The following GLRB variants were observed in gnomAD, a reference collection of about 807,000 sequenced individuals.
GLRB encodes the protein glycine receptor beta, also known as glycine receptor subunit beta.
A neutral mutation model predicts 54.2 loss-of-function variants in GLRB; 33 were observed. The ratio of observed to expected loss-of-function variants is 0.61; its 90% CI spans 0.46 to 0.81. The LOEUF is 0.81. Ranked by LOEUF, GLRB falls within the 40% of genes least tolerant of loss-of-function variation. GLRB has a pLI of 0.00. For synonymous variants in GLRB, 209 were observed against 208.2 expected, an observed-to-expected ratio of 1.00 and a Z score of -0.03; for missense variants, 572 against 584.6, an observed-to-expected ratio of 0.98 and a Z score of 0.22.
intron 2 of GLRB, among the ~76,000 whole-genome samples, chr4:157,106,534 A>G (rs1735230731): frequency 6.6e-6 from 1 of 151,972 alleles, no homozygotes; most frequent in African/African-American, 2.4e-5. Context: ...ACCCAATTGG[A>G]TGGGGGCCTG....
chr4:157,134,602 T>C (rs1242173153), intron 4 of GLRB, among the ~76,000 whole-genome samples: 1 of 152,116 alleles, frequency 6.6e-6, no homozygotes, highest in Non-Finnish European at 1.5e-5. Flanking sequence ...TGAACTAATA[T>C]TAGGCTGAAA....
At chr4:157,121,479 A>G (rs79417285) in intron 3 of GLRB, among the ~76,000 whole-genome samples, 3 of 146,936 alleles carry the variant, frequency 2.0e-5, no homozygotes, top group African/African-American at 7.5e-5. Context: ...TTGCCTTTAG[A>G]AAAAAAAAAT....
At chr4:157,137,040 C>T (rs1236371662) in intron 6 of GLRB, among the ~76,000 whole-genome samples, 154 bp downstream of exon 6, 1 of 152,048 alleles carries the variant, frequency 6.6e-6, no homozygotes. Context: ...TATAGTTACT[C>T]TTTTATTAAT....
chr4:157,128,013 T>G (rs540246821), intron 4 of GLRB, among the ~76,000 whole-genome samples: 1 of 151,800 alleles, frequency 6.6e-6, no homozygotes, highest in African/African-American at 2.4e-5. Context: ...CTGCTGGAGG[T>G]TTATCTGATT....
chr4:157,126,810 GT>G (rs1736031049), intron 4 of GLRB, among the ~76,000 whole-genome samples: 1 of 151,754 alleles, frequency 6.6e-6, no homozygotes, highest in Non-Finnish European at 1.5e-5. Flanking sequence ...ATCGTGTATT[GT>G]CATAATCTAT....
At chr4:157,102,813 T>C (rs772036623) in intron 2 of GLRB, among the ~76,000 whole-genome samples, 72 of 152,300 alleles carry the variant, frequency 4.7e-4, no homozygotes, top group Non-Finnish European at 9.4e-4. Context: ...GTATCCCATG[T>C]TCACCTTGGG....
chr4:157,103,963 A>C (rs2126488803), intron 2 of GLRB, among the ~76,000 whole-genome samples: 1 of 148,796 alleles, frequency 6.7e-6, no homozygotes. Context: ...GTGTGTGTGT[A>C]GTCTTTAGAG....
chr4:157,136,248 G>T (rs1579228690), intron 4 of GLRB: 1 of 533,104 alleles, frequency 1.9e-6, no homozygotes, highest in East Asian at 3.1e-5. Flanking sequence ...GCTAGCAAGT[G>T]CTACGGAATG....
chr4:157,096,062 A>G (rs931180232), intron 2 of GLRB, among the ~76,000 whole-genome samples: 2 of 152,124 alleles, frequency 1.3e-5, no homozygotes, highest in African/African-American at 4.8e-5. Context: ...GTTGGAGAAA[A>G]GTCACAGTCC....
intron 2 of GLRB, among the ~76,000 whole-genome samples, chr4:157,092,567 C>A (rs911415900): frequency 2.0e-5 from 3 of 152,078 alleles, no homozygotes; most frequent in African/African-American, 7.2e-5. Flanking sequence ...GGGAAAATAT[C>A]TGGGTCACCT....
intron 9 of GLRB, among the ~76,000 whole-genome samples, chr4:157,168,095 A>G (rs1320098760): frequency 1.4e-5 from 2 of 148,098 alleles, no homozygotes. Flanking sequence ...CAAATATCCA[A>G]ACCACATCAA....
At position 157,120,638 on chromosome 4, in the gene GLRB, C is replaced by A; in HGVS notation, c.205C>A (p.Pro69Thr). The change falls in exon 3 of 10, where the codon CCC becomes ACC. Residue 69 changes from proline to threonine, a missense_variant. Coordinates refer to ENST00000264428, the MANE Select transcript of GLRB (RefSeq NM_000824.5). The stretch of plus-strand genomic sequence containing the variant: ...GAACAGGTTATTGGTCAGTTATGAT[C>A]CCAGGATAAGACCAAACTTCAAAGG... ...ILNRLLVSYD[P>T]RIRPNFKGIP... The A allele has an allele frequency of 1.3e-6, 2 of 1,584,270 alleles. No individual in the cohort carries two copies. The highest frequency in any genetic ancestry group is 1.7e-6 in the Non-Finnish European group (2 of 1,155,674).
chr4:157,124,450 G>C (rs928111604), intron 4 of GLRB, among the ~76,000 whole-genome samples: 2 of 151,580 alleles, frequency 1.3e-5, no homozygotes, highest in African/African-American at 4.8e-5. Context: ...CATAAAATTA[G>C]CAATAATGTA....
At chr4:157,145,908 A>G (rs1295266643) in intron 8 of GLRB, among the ~76,000 whole-genome samples, 1 of 152,130 alleles carries the variant, frequency 6.6e-6, no homozygotes, top group African/African-American at 2.4e-5. Flanking sequence ...CAAGGAGGCC[A>G]CTGTGGCTGG....
At chr4:157,135,347 G>T (rs1307962634) in intron 4 of GLRB, among the ~76,000 whole-genome samples, 2 of 152,126 alleles carry the variant, frequency 1.3e-5, no homozygotes, top group Non-Finnish European at 2.9e-5. Context: ...CCTAAAGGTG[G>T]TGATATGGTT....
chr4:157,111,243 G>C (rs77528087), intron 2 of GLRB, among the ~76,000 whole-genome samples: 7,038 of 152,012 alleles, frequency 0.046, 266 homozygotes, highest in African/African-American at 0.1. Context: ...GTTTACTTCC[G>C]TTCCTTGCTG....
chr4:157,105,016 A>T (rs756562540), intron 2 of GLRB, among the ~76,000 whole-genome samples: 88 of 151,368 alleles, frequency 5.8e-4, no homozygotes, highest in Middle Eastern at 3.4e-3. Flanking sequence ...TTATTTAAAA[A>T]TTTTTTAAAT....
chr4:157,142,128 T>C (rs1736639668), intron 7 of GLRB, among the ~76,000 whole-genome samples: 1 of 152,142 alleles, frequency 6.6e-6, no homozygotes, highest in Non-Finnish European at 1.5e-5. Context: ...CAATTGTACT[T>C]ATGAAAGATT....
At chr4:157,155,551 A>G (rs1166467648) in intron 9 of GLRB, among the ~76,000 whole-genome samples, 1 of 152,208 alleles carries the variant, frequency 6.6e-6, no homozygotes, top group Non-Finnish European at 1.5e-5. Flanking sequence ...CTCTAGATGT[A>G]GGATTGTAAG....
Sources: gnomAD v4.1 joint callset for allele counts (sites outside exome capture counted in the v4.1 genomes callset) on GRCh38, gnomAD v4.1.1 for gene constraint, MANE v1.5 for transcripts, NCBI Gene and HGNC (gene_info 2026-07-23, HGNC 2026-07-21) for gene names.